Variants in PTPRH observed in about 807,000 individuals in gnomAD.
PTPRH encodes protein tyrosine phosphatase receptor type H.
In PTPRH, 113 loss-of-function variants were observed where a neutral mutation model predicts 130.2. The observed-to-expected ratio is 0.87, with a 90% CI of 0.75 to 1.01. The LOEUF is 1.01. PTPRH is among the 50% of genes least tolerant of loss of function. PTPRH has a pLI of 0.00. For missense variants in PTPRH, 1,430 were observed against 1,425.0 expected (o/e 1.00, Z -0.06); for synonymous variants, 556 against 577.9 (o/e 0.96, Z 0.54).
At chr19:55,185,807 A>C in intron 17 of PTPRH, 55 bp downstream of exon 17, 1 of 1,613,056 alleles carries the variant, frequency 6.2e-7, no homozygotes, top group Non-Finnish European at 8.5e-7. Context: ...TCCTGGATGC[A>C]TGGCATATGT....
chr19:55,184,805 TAATAAAATAAAATAAAATA>T (rs976996383), intron 18 of PTPRH, among the ~76,000 whole-genome samples: 1 of 150,652 alleles, frequency 6.6e-6, no homozygotes, highest in Non-Finnish European at 1.5e-5. Context: ...TAAAATAAAA[TAATAAAATAAAATAAAATA>T]AATAAAATAA....
chr19:55,186,398 T>G, intron 15 of PTPRH, 39 bp from the exon 16 acceptor site: 1 of 1,612,226 alleles, frequency 6.2e-7, no homozygotes, highest in Non-Finnish European at 8.5e-7. Context: ...GGGCCTTTAG[T>G]TGATCCCCGA....
intron 10 of PTPRH, among the ~76,000 whole-genome samples, chr19:55,195,108 G>A (rs190090472): frequency 2.3e-4 from 35 of 151,988 alleles, no homozygotes; most frequent in Middle Eastern, 3.4e-3. Flanking sequence ...GTGGATCACC[G>A]GAGGTCAGGA....
intron 12 of PTPRH, 111 bp from the exon 13 acceptor site, chr19:55,188,279 G>A (rs932784482): frequency 1.3e-5 from 10 of 784,822 alleles, no homozygotes; most frequent in African/African-American, 3.4e-5. Flanking sequence ...TTGGGAGGCC[G>A]AGGCGGGTGG....
chr19:55,190,443 TATTTATATATTTTATATATTATAA>T (rs1350761078), intron 12 of PTPRH, among the ~76,000 whole-genome samples: 1 of 142,832 alleles, frequency 7.0e-6, no homozygotes, highest in Non-Finnish European at 1.5e-5. Context: ...TCTCCAAGTT[TATTTATATATTTTATATATTATAA>T]ATTTATATAT....
At chr19:55,190,624 TTA>T (rs897304585) in intron 12 of PTPRH, among the ~76,000 whole-genome samples, 12 of 138,628 alleles carry the variant, frequency 8.7e-5, no homozygotes, top group South Asian at 2.1e-4. Context: ...ATATTATAAA[TTA>T]TATATATATA....
rs529859644 is a variant in PTPRH, at chr19:55,184,217, G to C, written c.3062+1285C>G. On this transcript the variant is annotated intron_variant, in intron 18 of 19. Coordinates refer to ENST00000376350, the MANE Select transcript of PTPRH (RefSeq NM_002842.5). ...GAGAATTGCTTGAACCCAGGAGGCA[G>C]AGGTTGCAGTGAGCCGAGATCATGC... 1.8e-4 allele frequency among the ~76,000 whole-genome samples: 27 copies of C among 152,208 alleles called. No individual in the cohort carries two copies. The East Asian group carries it at 4.8e-3, about 27-fold the overall frequency.
intron 18 of PTPRH, among the ~76,000 whole-genome samples, chr19:55,184,556 AG>A (rs1568888758): frequency 1.3e-5 from 2 of 152,004 alleles, no homozygotes; most frequent in Non-Finnish European, 2.9e-5. Context: ...TGGGAGGCAG[AG>A]GCAGACGGAT....
chr19:55,198,815 G>C lies in PTPRH; in HGVS notation c.1518C>G (p.Tyr506Ter), dbSNP rs775533113. The C allele has an allele frequency of 3.7e-6, 6 of 1,609,986 alleles. No individual in the cohort carries two copies. The East Asian group carries it at 1.3e-4, about 36-fold the overall frequency. Residue 506 changes from tyrosine (Y) to a stop codon, truncating the protein, a stop_gained, in exon 8 of 20, where the codon TAC (tyrosine) becomes TAG (stop). Coordinates refer to ENST00000376350, the MANE Select transcript of PTPRH (RefSeq NM_002842.5). LOFTEE classifies it high-confidence loss of function. ...TAPQGPGQSSYSYWVSWVREG... is the reference protein window; with the variant it reads ...TAPQGPGQSS ...CCCTGACCCATGAGACCCAGTAGCT[G>C]TAGGAAGACTGGCCTGGGCCCTGGG...
rs953419656 is a variant in PTPRH, at chr19:55,189,839, A to T, written c.2384+1662T>A. ...CCGACCTCCATCTCTACAAAAAATT[A>T]AAAAATTAGCCAGGCATTGTGGTGC... On this transcript the variant is annotated intron_variant, in intron 12 of 19. Coordinates refer to ENST00000376350, the MANE Select transcript of PTPRH (RefSeq NM_002842.5). The T allele has an allele frequency of 3.2e-4, 137 of 428,266 alleles. 1 individual carries two copies. The Admixed American group carries it at 3.4e-3, about 11-fold the overall frequency. The allele number at this position is 428,266 out of a possible 1,614,324, so 26.5% of individuals were successfully genotyped here.
At position 55,182,007 on chromosome 19, in the gene PTPRH, C is replaced by T; in HGVS notation, c.3198+9G>A. On this transcript the variant is annotated intron_variant, in intron 19 of 19. Coordinates refer to ENST00000376350, the MANE Select transcript of PTPRH (RefSeq NM_002842.5). ...CCTCCCGTCCTGTGTTGCTGAGGGA[C>T]TGCCTCACCTCAGTCTGCACCATCA... 3 of 1,614,096 alleles carry T rather than the reference C, an allele frequency of 1.9e-6. No individual in the cohort carries two copies. The highest frequency in any genetic ancestry group is 2.5e-6 in the Non-Finnish European group (3 of 1,179,974).
chr19:55,185,708 G>C, intron 17 of PTPRH, 46 bp from the exon 18 acceptor site: 1 of 1,604,144 alleles, frequency 6.2e-7, no homozygotes, highest in Non-Finnish European at 8.5e-7. Flanking sequence ...AATGTAGGGA[G>C]GACCTGGCTT....
chr19:55,184,451 T>C (rs1185781582), intron 18 of PTPRH, among the ~76,000 whole-genome samples: 2 of 152,096 alleles, frequency 1.3e-5, no homozygotes, highest in East Asian at 3.9e-4. Flanking sequence ...ATCTCCCTAA[T>C]AGTTACCGTT....
intron 10 of PTPRH, chr19:55,194,012 C>G: frequency 2.2e-6 from 1 of 447,772 alleles, no homozygotes. Context: ...CCACGCCCAG[C>G]TAATTTTTTG....
At chr19:55,188,385 C>T (rs2086429069) in intron 12 of PTPRH, among the ~76,000 whole-genome samples, 2 of 152,114 alleles carry the variant, frequency 1.3e-5, no homozygotes, top group Non-Finnish European at 1.5e-5. Context: ...TGGTGTTGCA[C>T]GCCTGTAGTC....
At position 55,191,482 on chromosome 19, in the gene PTPRH, C is replaced by A. The variant is rs776774318; in HGVS notation, c.2384+19G>T. ...TTGACCAGATTCTTTCCAATGCACC[C>A]CCCAGACCTTCTGCTCACCTAAAGA... On this transcript the variant is annotated intron_variant, in intron 12 of 19. Transcript: ENST00000376350. 6 of 1,613,760 alleles carry A rather than the reference C, an allele frequency of 3.7e-6. 1 individual carries two copies. In the South Asian group the frequency reaches 5.5e-5, roughly 15 times the overall value.
At chr19:55,185,758 C>T (rs926214256) in intron 17 of PTPRH, 96 bp from the exon 18 acceptor site, 1 of 1,600,050 alleles carries the variant, frequency 6.2e-7, no homozygotes, top group African/African-American at 1.3e-5. Context: ...CACTGCAGCT[C>T]CTCAGAGGAG....
chr19:55,184,141 G>T (rs562242799), intron 18 of PTPRH, among the ~76,000 whole-genome samples: 1 of 151,242 alleles, frequency 6.6e-6, no homozygotes, highest in African/African-American at 2.4e-5. Context: ...AAAATTAGCC[G>T]GGCGTGGTGG....
chr19:55,198,976 G>A, intron 7 of PTPRH, 64 bp from the exon 8 acceptor site: 1 of 1,407,004 alleles, frequency 7.1e-7, no homozygotes, highest in East Asian at 2.6e-5. Context: ...AGAACACAGT[G>A]ATACGCCCTG....
Sources: allele counts gnomAD v4.1 joint callset (sites outside exome capture counted in the v4.1 genomes callset), GRCh38; gene constraint gnomAD v4.1.1; transcripts MANE v1.5; gene names NCBI Gene and HGNC (gene_info 2026-07-23, HGNC 2026-07-21).